Variants in E2F3 observed in about 807,000 individuals in gnomAD.
E2F3 encodes transcription factor E2F3.
E2F3 carries 11 observed loss-of-function variants against 44.4 expected under a neutral mutation model. The ratio of observed to expected loss-of-function variants is 0.25; its 90% confidence interval spans 0.16 to 0.41. E2F3 has a LOEUF of 0.41. E2F3 is among the 10% of genes least tolerant of loss of function. The pLI, the probability that E2F3 is intolerant of heterozygous loss-of-function variation, is 1.00. For missense variants in E2F3, 487 were observed against 583.6 expected (o/e 0.83, Z 1.70); for synonymous variants, 249 against 253.0 (o/e 0.98, Z 0.15).
chr6:20,414,486 AT>A lies in E2F3; in HGVS notation c.393+11862del, dbSNP rs758237464. Among the ~76,000 whole-genome samples, 523 of 152,166 alleles carry A rather than the reference AT, an allele frequency of 3.4e-3. 1 individual carries two copies. The highest frequency in any genetic ancestry group is 5.6e-3 in the Non-Finnish European group (383 of 68,010). On this transcript the variant is annotated intron_variant, in intron 1 of 6. Coordinates refer to ENST00000346618, the MANE Select transcript of E2F3 (RefSeq NM_001949.5). ...TGATTTTTCTCATTAAAAAAAAAAA[AT>A]CTTGAATTTATTTTCTTAAGCTCTA...
At position 20,490,454 on chromosome 6, in the gene E2F3, TA is replaced by T. The variant is rs1358425079; in HGVS notation, c.*29del. The T allele has an allele frequency of 6.6e-7, 1 of 1,522,654 alleles. No homozygotes were observed. The highest frequency in any genetic ancestry group is 8.8e-7 in the Non-Finnish European group (1 of 1,135,528). 94.3% of individuals were successfully genotyped at this position (1,522,654 alleles called of 1,614,324 possible). On this transcript the variant is annotated 3_prime_UTR_variant, in exon 7 of 7. Coordinates refer to ENST00000346618, the MANE Select transcript of E2F3 (RefSeq NM_001949.5). The surrounding 1 kb of genome is among the most constrained non-coding windows in gnomAD (Gnocchi z 4.3). ...GATTATGCTTCGTGTGAACTCTCCT[TA>T]AAAACCGATATTTTTTTATCATGGA...
At position 20,492,446 on chromosome 6, in the gene E2F3, G is replaced by T. The variant is rs574154470; in HGVS notation, c.*2016G>T. 10 of 233,608 alleles carry T rather than the reference G, an allele frequency of 4.3e-5. No homozygotes were observed. The highest frequency in any genetic ancestry group is 1.2e-3 in the Middle Eastern group (1 of 806). 14.5% of individuals were successfully genotyped at this position (233,608 alleles called of 1,614,324 possible). A position where few individuals can be genotyped will look rare whatever the true frequency, so the allele number is the denominator to read the frequency against. On this transcript the variant is annotated 3_prime_UTR_variant, in exon 7 of 7. Coordinates refer to ENST00000346618, the MANE Select transcript of E2F3 (RefSeq NM_001949.5). Reference sequence around the variant, plus strand: ...GGGTGGGGGAGGGAGAGGGAGCTTTGTGTTAAGTGCCTACTGGAAATGCAC... The same window carrying T: ...GGGTGGGGGAGGGAGAGGGAGCTTTTTGTTAAGTGCCTACTGGAAATGCAC...
chr6:20,402,584 G>T lies in E2F3; in HGVS notation c.352G>T (p.Ala118Ser). The T allele has an allele frequency of 7.1e-7, 1 of 1,416,270 alleles. No individual in the cohort carries two copies. The highest frequency in any genetic ancestry group is 1.5e-5 in the South Asian group (1 of 64,852). The allele number at this position is 1,416,270 out of a possible 1,614,324, so 87.7% of individuals were successfully genotyped here. The change falls in exon 1 of 7, where the codon GCG (alanine) becomes TCG (serine). Residue 118 changes from alanine to serine, a missense_variant. Ala to Ser is a moderately conservative substitution (Grantham distance 99). Around this residue, in one of 3 missense-constraint regions of E2F3, gnomAD observed 238 missense variants for 236.0 expected, o/e 1.01. Transcript: ENST00000346618. The surrounding 1 kb of genome is among the most constrained non-coding windows in gnomAD (Gnocchi z 5.6). ...SRAGLLQQPP[A>S]LGRGGSGGGG... ...AGCCGGGCTGCTGCAGCAGCCACCA[G>T]CGCTGGGACGCGGCGGCAGCGGCGG...
intron 6 of E2F3, among the ~76,000 whole-genome samples, chr6:20,489,595 G>C (rs1421411033): frequency 6.6e-6 from 1 of 152,138 alleles, no homozygotes; most frequent in Non-Finnish European, 1.5e-5. Context: ...AGAAGTTTTT[G>C]AACTTGTTAT....
chr6:20,482,099 G>GA, intron 3 of E2F3, among the ~76,000 whole-genome samples: 2 of 152,178 alleles, frequency 1.3e-5, no homozygotes, highest in East Asian at 3.9e-4. Flanking sequence ...GGAGGGCTTT[G>GA]AAAAGATACT....
At chr6:20,486,018 A>G (rs1171475457) in intron 4 of E2F3, among the ~76,000 whole-genome samples, 1 of 152,114 alleles carries the variant, frequency 6.6e-6, no homozygotes, top group Non-Finnish European at 1.5e-5. Flanking sequence ...GTGACAGAAC[A>G]CTTTATTGGA....
intron 1 of E2F3, among the ~76,000 whole-genome samples, chr6:20,476,496 G>C (rs1469807181): frequency 6.6e-6 from 1 of 152,214 alleles, no homozygotes; most frequent in Non-Finnish European, 1.5e-5. Context: ...GGTGGTCTCA[G>C]ACCCCTCTCT....
chr6:20,473,630 G>A (rs193223253), intron 1 of E2F3, among the ~76,000 whole-genome samples: 40 of 152,308 alleles, frequency 2.6e-4, no homozygotes, highest in African/African-American at 9.4e-4. Flanking sequence ...TGGCATGTGT[G>A]CCTTTGGGTA....
chr6:20,434,668 A>C (rs1272667199), intron 1 of E2F3, among the ~76,000 whole-genome samples: 1 of 152,188 alleles, frequency 6.6e-6, no homozygotes, highest in Admixed American at 6.6e-5. Flanking sequence ...ACTGTTGTAT[A>C]GTACAGCTTT....
intron 6 of E2F3, among the ~76,000 whole-genome samples, chr6:20,488,658 C>T (rs1446400653): frequency 1.3e-5 from 2 of 151,952 alleles, no homozygotes; most frequent in Non-Finnish European, 2.9e-5. Context: ...GTCTTATTTT[C>T]CCCCCCAATG....
intron 1 of E2F3, among the ~76,000 whole-genome samples, chr6:20,405,382 T>TTTTGAGACGGA (rs1759459739): frequency 2.0e-5 from 3 of 150,130 alleles, no homozygotes; most frequent in Admixed American, 2.0e-4. Flanking sequence ...AGTCTCATTC[T>TTTTGAGACGGA]GTCGCCCAGG....
chr6:20,409,458 G>C (rs1759597359), intron 1 of E2F3, among the ~76,000 whole-genome samples: 1 of 152,204 alleles, frequency 6.6e-6, no homozygotes, highest in Non-Finnish European at 1.5e-5. Flanking sequence ...ATAGAGAATA[G>C]AATCTAAAAG....
intron 1 of E2F3, among the ~76,000 whole-genome samples, chr6:20,404,388 CGG>C (rs1328331966): frequency 6.6e-6 from 1 of 152,216 alleles, no homozygotes; most frequent in African/African-American, 2.4e-5. Flanking sequence ...TCCATGCCTC[CGG>C]GTCTTCACCC....
At chr6:20,453,946 C>A (rs1761225914) in intron 1 of E2F3, among the ~76,000 whole-genome samples, 1 of 152,232 alleles carries the variant, frequency 6.6e-6, no homozygotes, top group African/African-American at 2.4e-5. Context: ...ATATTTACTC[C>A]AGAGTGAATG....
intron 1 of E2F3, among the ~76,000 whole-genome samples, chr6:20,462,964 C>T (rs1440230485): frequency 1.4e-5 from 2 of 143,404 alleles, no homozygotes; most frequent in African/African-American, 5.4e-5. Flanking sequence ...CCTTCCACCT[C>T]AGCCCCCATT....
At chr6:20,417,894 C>T (rs1349169710) in intron 1 of E2F3, among the ~76,000 whole-genome samples, 1 of 152,000 alleles carries the variant, frequency 6.6e-6, no homozygotes, top group Non-Finnish European at 1.5e-5. Flanking sequence ...TGGGCATTTC[C>T]TCTCTCTTTC....
Position 20,473,625 on chromosome 6 carries a change from T to C in E2F3, c.394-6221T>C, listed in dbSNP as rs945833548. ...CTCACACAAATGAAAGTCTGTGGCA[T>C]GTGTGCCTTTGGGTATGGCTGTATC... is the stretch of plus-strand genomic sequence containing the variant. On this transcript the variant is annotated intron_variant, in intron 1 of 6. Coordinates refer to ENST00000346618, the MANE Select transcript of E2F3 (RefSeq NM_001949.5). Among the ~76,000 whole-genome samples, 7 of 152,222 alleles carry C rather than the reference T, an allele frequency of 4.6e-5. 1 individual carries two copies. Among genetic ancestry groups the C allele is most frequent in the African/African-American group, 1.7e-4 (7 of 41,450 alleles).
chr6:20,408,160 C>CTGGGAAAGCAGTAAATA (rs1759552275), intron 1 of E2F3, among the ~76,000 whole-genome samples: 1 of 152,188 alleles, frequency 6.6e-6, no homozygotes, highest in Non-Finnish European at 1.5e-5. Flanking sequence ...TGGAAGATAA[C>CTGGGAAAGCAGTAAATA]TGGGAAAGCA....
At chr6:20,427,168 A>C (rs1054556253) in intron 1 of E2F3, among the ~76,000 whole-genome samples, 1 of 152,254 alleles carries the variant, frequency 6.6e-6, no homozygotes, top group African/African-American at 2.4e-5. Flanking sequence ...TTCCCTGGGC[A>C]TATCGAACTG....
Sources: gnomAD v4.1 joint callset for allele counts (sites outside exome capture counted in the v4.1 genomes callset) on GRCh38, gnomAD v4.1.1 for gene constraint, gnomAD v4.1.1 regional missense constraint, Gnocchi (gnomAD v3.1) non-coding constraint, MANE v1.5 for transcripts, NCBI Gene and HGNC (gene_info 2026-07-23, HGNC 2026-07-21) for gene names.